GSAP: variants seen among roughly 807,000 people sequenced by gnomAD.
GSAP encodes the protein gamma-secretase activating protein.
Under a neutral mutation model 131.7 loss-of-function variants are expected in GSAP, and 118 were observed. The observed-to-expected ratio is 0.90, with a 90% CI of 0.77 to 1.04. GSAP has a LOEUF of 1.04. Ranked by LOEUF, GSAP falls within the 50% of genes least tolerant of loss-of-function variation. The pLI is 0.00. For synonymous variants in GSAP, 381 were observed against 363.4 expected (o/e 1.05, Z -0.55); for missense variants, 1,019 against 1,013.2 (o/e 1.01, Z -0.08).
chr7:77,395,591 G>A (rs180864455), intron 5 of GSAP, among the ~76,000 whole-genome samples: 2 of 152,186 alleles, frequency 1.3e-5, no homozygotes, highest in East Asian at 3.9e-4. Context: ...CATGGCAGGG[G>A]GAGGGTAAGG....
At chr7:77,385,660 G>A (rs866130181) in intron 6 of GSAP, among the ~76,000 whole-genome samples, 5 of 152,172 alleles carry the variant, frequency 3.3e-5, no homozygotes, top group African/African-American at 7.2e-5. Flanking sequence ...CAGCTTGGGA[G>A]CTTCAGGCCA....
intron 12 of GSAP, among the ~76,000 whole-genome samples, chr7:77,368,757 G>A (rs1400581862): frequency 6.6e-6 from 1 of 152,090 alleles, no homozygotes; most frequent in African/African-American, 2.4e-5. Context: ...TATTTCATAG[G>A]GTTCTTGTGA....
chr7:77,413,548 A>G (rs1563151879), intron 1 of GSAP, among the ~76,000 whole-genome samples: 1 of 152,256 alleles, frequency 6.6e-6, no homozygotes, highest in Non-Finnish European at 1.5e-5. Context: ...ACAAATTAAT[A>G]ACCTGCAGCT....
chr7:77,322,183 C>G (rs1453936595), intron 24 of GSAP, among the ~76,000 whole-genome samples: 1 of 152,202 alleles, frequency 6.6e-6, no homozygotes, highest in Non-Finnish European at 1.5e-5. Context: ...CTCAGTTTCT[C>G]TTTGGCTGAA....
chr7:77,385,428 G>T (rs868665438), intron 6 of GSAP, among the ~76,000 whole-genome samples: 3 of 152,008 alleles, frequency 2.0e-5, no homozygotes, highest in Non-Finnish European at 2.9e-5. Context: ...TAATATATTC[G>T]CAATGTATAC....
chr7:77,317,121 C>G (rs1584213738), intron 26 of GSAP, among the ~76,000 whole-genome samples: 1 of 152,086 alleles, frequency 6.6e-6, no homozygotes, highest in Non-Finnish European at 1.5e-5. Context: ...TCACCTCCCC[C>G]CTCTATTTCC....
intron 6 of GSAP, among the ~76,000 whole-genome samples, chr7:77,386,424 T>C (rs1335084908): frequency 6.6e-6 from 1 of 152,206 alleles, no homozygotes; most frequent in Non-Finnish European, 1.5e-5. Context: ...CTTTTGGGAT[T>C]ATGATCCAAA....
intron 5 of GSAP, among the ~76,000 whole-genome samples, chr7:77,396,230 T>G (rs2151126587): frequency 6.6e-6 from 1 of 152,278 alleles, no homozygotes; most frequent in East Asian, 1.9e-4. Flanking sequence ...AAAAAAATAT[T>G]TCTTGGTTTC....
At chr7:77,363,370 C>T (rs1038533585) in intron 12 of GSAP, among the ~76,000 whole-genome samples, 5 of 152,248 alleles carry the variant, frequency 3.3e-5, no homozygotes, top group African/African-American at 4.8e-5. Context: ...CAGTGACCTA[C>T]ATACAATTGA....
chr7:77,391,750 A>C (rs1455607074), intron 5 of GSAP, among the ~76,000 whole-genome samples: 1 of 152,158 alleles, frequency 6.6e-6, no homozygotes, highest in Non-Finnish European at 1.5e-5. Context: ...TGGGAAGATC[A>C]CCTGGGCCAG....
Position 77,353,627 on chromosome 7 carries a change from A to T in GSAP, c.1353T>A (p.Ile451=). 3 of 1,607,666 alleles carry T rather than the reference A, an allele frequency of 1.9e-6. No individual in the cohort carries two copies. Among genetic ancestry groups the T allele is most frequent in the Non-Finnish European group, 2.6e-6 (3 of 1,174,974 alleles). The change falls in exon 17 of 31, where the codon ATT becomes ATA. Residue 451 remains isoleucine (I), a synonymous_variant. Coordinates refer to ENST00000257626, the MANE Select transcript of GSAP (RefSeq NM_017439.4). ...AATGGCAGGCAGAGACATTCTCAGA[A>T]ATCCACTGAATAATCTTTAAAAAGT... is the stretch of plus-strand genomic sequence containing the variant. The part of the protein sequence containing the change: ...QFLEAQIIQW[I]SENVSACHSF...
chr7:77,395,731 C>G (rs894549618), intron 5 of GSAP, among the ~76,000 whole-genome samples: 1 of 152,124 alleles, frequency 6.6e-6, no homozygotes, highest in Non-Finnish European at 1.5e-5. Context: ...TCATGAGAAG[C>G]CTGGGAGTGC....
chr7:77,380,397 G>A (rs963366291), intron 8 of GSAP, among the ~76,000 whole-genome samples: 3 of 152,150 alleles, frequency 2.0e-5, no homozygotes, highest in African/African-American at 7.2e-5. Context: ...ATCCATCCCT[G>A]AGGATTTAGC....
chr7:77,320,913 T>C lies in GSAP; in HGVS notation c.1995-94A>G, dbSNP rs531604729. On this transcript the variant is annotated intron_variant, in intron 25 of 30. Coordinates refer to ENST00000257626, the MANE Select transcript of GSAP (RefSeq NM_017439.4). The stretch of plus-strand genomic sequence containing the variant: ...AGTGGCTTTGAGTACTACACAAGGG[T>C]TCATGCTAATCATGAAATGCTATGC... The C allele has an allele frequency of 8.0e-6, 6 of 750,152 alleles. No individual in the cohort carries two copies. In the East Asian group the frequency reaches 1.0e-4, roughly 13 times the overall value. 46.5% of individuals were successfully genotyped at this position (750,152 alleles called of 1,614,324 possible). A position where few individuals can be genotyped will look rare whatever the true frequency, so the allele number is the denominator to read the frequency against.
At chr7:77,357,501 C>T (rs140659056) in intron 14 of GSAP, among the ~76,000 whole-genome samples, 1,712 of 152,238 alleles carry the variant, frequency 0.011, 30 homozygotes, top group African/African-American at 0.039. Context: ...AACGAAGTGG[C>T]CACAAGCCAA....
At chr7:77,328,560 A>G in intron 22 of GSAP, 46 bp downstream of exon 22, 1 of 1,595,908 alleles carries the variant, frequency 6.3e-7, no homozygotes, top group African/African-American at 1.4e-5. Flanking sequence ...CTACAAACAA[A>G]ACACTGACTG....
chr7:77,389,968 T>C (rs978326070), intron 5 of GSAP, among the ~76,000 whole-genome samples: 30 of 152,226 alleles, frequency 2.0e-4, no homozygotes, highest in African/African-American at 6.8e-4. Context: ...TTTTTAATGA[T>C]TGCCATTCTA....
At chr7:77,413,225 T>G (rs1009232873) in intron 1 of GSAP, among the ~76,000 whole-genome samples, 25 of 152,150 alleles carry the variant, frequency 1.6e-4, no homozygotes, top group Admixed American at 5.9e-4. Flanking sequence ...CCCAATATCC[T>G]CAGGTGACCT....
rs1223833941 is a variant in GSAP, at chr7:77,406,018, T to C, written c.186+11A>G. The C allele has an allele frequency of 3.3e-6, 3 of 898,696 alleles. No homozygotes were observed. Among genetic ancestry groups the C allele is most frequent in the Middle Eastern group, 5.2e-4 (2 of 3,842 alleles). 55.7% of individuals were successfully genotyped at this position (898,696 alleles called of 1,614,324 possible). A position where few individuals can be genotyped will look rare whatever the true frequency, so the allele number is the denominator to read the frequency against. On this transcript the variant is annotated intron_variant, in intron 2 of 30. Transcript: ENST00000257626. ...TACATCTTACCACAATAAAAAAGAA[T>C]ATAGACATACCTTATAGGTATAAAT...
Sources: gnomAD v4.1 joint callset for allele counts (sites outside exome capture counted in the v4.1 genomes callset) on GRCh38, gnomAD v4.1.1 for gene constraint, MANE v1.5 for transcripts, NCBI Gene and HGNC (gene_info 2026-07-23, HGNC 2026-07-21) for gene names.